The following STAG3 variants were observed in gnomAD, a reference collection of about 807,000 sequenced individuals.
STAG3 encodes cohesin subunit SA-3.
Under a neutral mutation model 160.7 loss-of-function variants are expected in STAG3, and 101 were observed. The ratio of observed to expected loss-of-function variants is 0.63; its 90% CI spans 0.54 to 0.74. The LOEUF is 0.74. Ranked by LOEUF, STAG3 falls within the 30% of genes least tolerant of loss-of-function variation. The pLI, the probability that STAG3 is intolerant of heterozygous loss-of-function variation, is 0.00. For synonymous variants in STAG3, 519 were observed against 585.0 expected (o/e 0.89, Z 1.63); for missense variants, 1,188 against 1,517.4 (o/e 0.78, Z 3.61).
At position 100,204,128 on chromosome 7, in the gene STAG3, C is replaced by T. The variant is rs1801409736; in HGVS notation, c.2802+6C>T. The T allele has an allele frequency of 6.2e-7, 1 of 1,612,582 alleles. No homozygotes were observed. The highest frequency in any genetic ancestry group is 1.3e-5 in the African/African-American group (1 of 75,040). The stretch of plus-strand genomic sequence containing the variant: ...TGCTGCTGAGCCTCAAGCAGGTGCG[C>T]CCTTCTGCCTTGAGGACATGCCAGC... On this transcript the variant is annotated splice_donor_region_variant and intron_variant, in intron 26 of 33. Coordinates refer to ENST00000615138, the MANE Select transcript of STAG3 (RefSeq NM_001282717.2).
chr7:100,211,691 G>T, intron 31 of STAG3, 104 bp from the exon 32 acceptor site: 1 of 1,423,476 alleles, frequency 7.0e-7, no homozygotes, highest in South Asian at 1.2e-5. Flanking sequence ...AAACTACTAT[G>T]CTGTACTTAC....
At chr7:100,208,142 A>G (rs1054927275) in intron 29 of STAG3, among the ~76,000 whole-genome samples, 2 of 152,016 alleles carry the variant, frequency 1.3e-5, no homozygotes, top group Non-Finnish European at 2.9e-5. Context: ...TTATAGTTTT[A>G]GCTCTTAATT....
rs1243536369 is a variant in STAG3 at position 100,199,547 on chromosome 7, G to A, written c.1580G>A (p.Gly527Asp). ...GATCCTCCTGGCACTCCAGACCTGG[G>A]TGATGTGCAGGAGAGCACACTGATA... is the stretch of plus-strand genomic sequence containing the variant. ...SLLLEKDQNL[G>D]DVQESTLIEI... The change falls in exon 16 of 34, where the codon GGT becomes GAT. Residue 527 changes from glycine to aspartate, a missense_variant. Physicochemically the swap from Gly to Asp is moderately conservative, Grantham distance 94. Coordinates refer to ENST00000615138, the MANE Select transcript of STAG3 (RefSeq NM_001282717.2). 3 of 1,603,356 alleles carry A rather than the reference G, an allele frequency of 1.9e-6. No individual in the cohort carries two copies. Among genetic ancestry groups the A allele is most frequent in the Non-Finnish European group, 2.6e-6 (3 of 1,174,704 alleles).
intron 21 of STAG3, 91 bp from the exon 22 acceptor site, chr7:100,201,695 A>G (rs1225629670): frequency 1.8e-6 from 2 of 1,123,174 alleles, no homozygotes; most frequent in African/African-American, 1.5e-5. Context: ...CCCTTTACTC[A>G]TTTTCTCTCC....
At chr7:100,216,837 C>T (rs558640084), downstream of STAG3, among the ~76,000 whole-genome samples, 1 of 152,250 alleles carries the variant, frequency 6.6e-6, no homozygotes, top group African/African-American at 2.4e-5. Context: ...AGGAGTACCT[C>T]TCAAAAACAG....
chr7:100,184,709 G>A (rs957550085), intron 4 of STAG3, among the ~76,000 whole-genome samples: 5 of 151,960 alleles, frequency 3.3e-5, no homozygotes, highest in African/African-American at 1.2e-4. Flanking sequence ...CTCGTGATCC[G>A]CCGGCCTCGG....
At position 100,198,911 on chromosome 7, in the gene STAG3, AGAGG is replaced by A; in HGVS notation, c.1422_1425del (p.Arg475LeufsTer22). On this transcript the variant is annotated frameshift_variant, in exon 14 of 34. Transcript: ENST00000615138. LOFTEE classifies it high-confidence loss of function. Reference sequence around the variant, plus strand: ...GAGCAACGCCAGAGCCCAGGCGCCCAGAGGACTTTCTTCCAGCTTCTGCTGTCCT... The same window carrying A: ...GAGCAACGCCAGAGCCCAGGCGCCCAACTTTCTTCCAGCTTCTGCTGTCCT... The A allele has an allele frequency of 1.2e-6, 2 of 1,612,256 alleles. No homozygotes were observed. The highest frequency in any genetic ancestry group is 1.7e-6 in the Non-Finnish European group (2 of 1,180,016).
rs143187428 is a variant in STAG3, at chr7:100,199,273, C to T, written c.1479C>T (p.His493=). The T allele has an allele frequency of 4.8e-5, 78 of 1,613,496 alleles. No individual in the cohort carries two copies. Among genetic ancestry groups the T allele is most frequent in the Middle Eastern group, 3.3e-4 (2 of 6,084 alleles). ...ACGTTCTCCCCTAGCTCCATGACCA[C>T]GCTGCTTACTTAGTAGACAGTCTGT... ...SFFVESELHD[H]AAYLVDSLWD... is the part of the protein sequence containing the mutation. The change falls in exon 15 of 34, where the codon CAC becomes CAT. Residue 493 remains histidine (H), a synonymous_variant. Transcript: ENST00000615138.
chr7:100,198,900 C>T lies in STAG3; in HGVS notation c.1410C>T (p.Ser470=). 2 of 1,612,252 alleles carry T rather than the reference C, an allele frequency of 1.2e-6. No individual in the cohort carries two copies. Among genetic ancestry groups the T allele is most frequent in the Non-Finnish European group, 1.7e-6 (2 of 1,180,030 alleles). ...TGGGTGGAAGAGAGCAACGCCAGAG[C>T]CCAGGCGCCCAGAGGACTTTCTTCC... The part of the protein sequence containing the change: ...RMMGGREQRQ[S]PGAQRTFFQL... Residue 470 remains serine (S), a synonymous_variant, in exon 14 of 34, where the codon AGC becomes AGT. Transcript: ENST00000615138.
chr7:100,196,638 A>G (rs571149081), intron 9 of STAG3, among the ~76,000 whole-genome samples: 6 of 152,298 alleles, frequency 3.9e-5, no homozygotes, highest in African/African-American at 1.2e-4. Context: ...CTAAAAATAC[A>G]AAAAGGAAGC....
intron 32 of STAG3, 51 bp from the exon 33 acceptor site, chr7:100,213,684 G>A (rs2117591221): frequency 6.2e-7 from 1 of 1,612,680 alleles, no homozygotes; most frequent in East Asian, 2.2e-5. Context: ...TATTTGCGAA[G>A]TGACAGGAGT....
chr7:100,189,590 C>T lies in STAG3; in HGVS notation c.861C>T (p.Arg287=). Reference sequence around the variant, plus strand: ...GGCTGGAGAGCCTGTTGGAGAAACGCAAAGAGGTGAGGAGTGTTCCCTGCT... The same window carrying T: ...GGCTGGAGAGCCTGTTGGAGAAACGTAAAGAGGTGAGGAGTGTTCCCTGCT... ...PERLESLLEK[R]KELQEHQEEI... The change falls in exon 8 of 34, where the codon CGC becomes CGT. Residue 287 remains arginine (R), a synonymous_variant. Transcript: ENST00000615138. 6.2e-7 allele frequency: 1 copy of T among 1,613,146 alleles called. No individual in the cohort carries two copies.
chr7:100,205,108 C>T lies in STAG3; in HGVS notation c.3055C>T (p.Leu1019Phe), dbSNP rs1371860611. The part of the protein sequence containing the change: ...LELLSEFSPR[L>F]FHQDKQLLLS... Reference sequence around the variant, plus strand: ...GCTCCTTTCAGAGTTTTCCCCCCGACTCTTCCATCAGGACAAGCAGCTTTT... The same window carrying T: ...GCTCCTTTCAGAGTTTTCCCCCCGATTCTTCCATCAGGACAAGCAGCTTTT... Residue 1019 changes from leucine (L) to phenylalanine (F), a missense_variant, in exon 28 of 34, where the codon CTC becomes TTC. By Grantham distance (22) the Leu-to-Phe change is conservative. This residue lies in a region of STAG3 where 647 missense variants were observed against 717.2 expected (regional missense o/e 0.90). Coordinates refer to ENST00000615138, the MANE Select transcript of STAG3 (RefSeq NM_001282717.2). 6.2e-7 allele frequency: 1 copy of T among 1,614,216 alleles called. No individual in the cohort carries two copies. The highest frequency in any genetic ancestry group is 8.5e-7 in the Non-Finnish European group (1 of 1,180,032).
Position 100,199,371 on chromosome 7 carries a change from C to G in STAG3, c.1573+4C>G. 1.2e-6 allele frequency: 2 copies of G among 1,612,100 alleles called. No individual in the cohort carries two copies. Among genetic ancestry groups the G allele is most frequent in the Non-Finnish European group, 1.7e-6 (2 of 1,178,224 alleles). On this transcript the variant is annotated splice_donor_region_variant and intron_variant, in intron 15 of 33. Transcript: ENST00000615138. ...CTGCTGCTGGAGAAGGACCAGAGTA[C>G]GTGTCACACGGAGCCAGGGACAGGG...
chr7:100,179,574 G>A (rs1799511710), intron 1 of STAG3, among the ~76,000 whole-genome samples: 1 of 151,702 alleles, frequency 6.6e-6, no homozygotes, highest in African/African-American at 2.4e-5. Flanking sequence ...TTTCCTTGCA[G>A]TAGGCAGTTT....
chr7:100,195,434 C>A (rs1156773252), intron 9 of STAG3, 52 bp downstream of exon 9: 1 of 1,548,714 alleles, frequency 6.5e-7, no homozygotes, highest in Non-Finnish European at 8.9e-7. Flanking sequence ...GTTATGGAAT[C>A]TGAGGAAGTG....
At position 100,211,205 on chromosome 7, in the gene STAG3, C is replaced by G. The variant is rs1802165158; in HGVS notation, c.3413+20C>G. ...CCAGGGGTGAGGCCATGGAGGGAATCTGGGTGTCTGAGTTCCCAGTTTGGT... is the reference window on the plus strand; with the variant it reads ...CCAGGGGTGAGGCCATGGAGGGAATGTGGGTGTCTGAGTTCCCAGTTTGGT... On this transcript the variant is annotated intron_variant, in intron 30 of 33. Coordinates refer to ENST00000615138, the MANE Select transcript of STAG3 (RefSeq NM_001282717.2). The G allele has an allele frequency of 6.5e-7, 1 of 1,541,252 alleles. No homozygotes were observed. The highest frequency in any genetic ancestry group is 1.4e-5 in the African/African-American group (1 of 72,350).
Position 100,204,756 on chromosome 7 carries a change from C to CTCGT in STAG3, c.2933_2936dup (p.Val980ArgfsTer15). On this transcript the variant is annotated frameshift_variant, in exon 27 of 34. Coordinates refer to ENST00000615138, the MANE Select transcript of STAG3 (RefSeq NM_001282717.2). LOFTEE classifies it high-confidence loss of function. ...ACCCCAGCAGCTGCAGAACCGTGAC[C>CTCGT]TCGTGGTCATGCTACACAAGTAGGA... 6.2e-7 allele frequency: 1 copy of CTCGT among 1,613,818 alleles called. No individual in the cohort carries two copies. The highest frequency in any genetic ancestry group is 8.5e-7 in the Non-Finnish European group (1 of 1,179,960).
At position 100,205,189 on chromosome 7, in the gene STAG3, G is replaced by C. The variant is rs2246713; in HGVS notation, c.3081-38G>C. On this transcript the variant is annotated intron_variant, in intron 28 of 33. Transcript: ENST00000615138. ...TAGGGAAGGGCCTGCTGAGGGCCCA[G>C]TAGCCCCTTCAGGCTTTTGGTTCTA... 0.5 allele frequency: 813,828 copies of C among 1,613,020 alleles called. 207,718 individuals carry two copies. Among genetic ancestry groups the C allele is most frequent in the South Asian group, 0.58 (52,828 of 91,022 alleles).
Sources: allele counts gnomAD v4.1 joint callset (sites outside exome capture counted in the v4.1 genomes callset), GRCh38; gene constraint gnomAD v4.1.1; regional missense constraint gnomAD v4.1.1; transcripts MANE v1.5; gene names NCBI Gene and HGNC (gene_info 2026-07-23, HGNC 2026-07-21).